CBR4: variants seen among roughly 807,000 people sequenced by gnomAD.
The protein encoded by CBR4 is 3-oxoacyl-[acyl-carrier-protein] reductase.
A neutral mutation model predicts 21.0 loss-of-function variants in CBR4; 22 were observed. That is an observed-to-expected ratio of 1.05 (90% confidence interval 0.75 to 1.50). The LOEUF (loss-of-function observed/expected upper bound fraction) is 1.50. CBR4 is among the 40% of genes most tolerant of loss of function. CBR4 has a pLI of 0.00. For synonymous variants in CBR4, 100 were observed against 104.4 expected, an observed-to-expected ratio of 0.96 and a Z score of 0.26; for missense variants, 302 against 286.3, an observed-to-expected ratio of 1.05 and a Z score of -0.40.
intron 4 of CBR4, among the ~76,000 whole-genome samples, chr4:168,991,450 G>C (rs1764919040): frequency 6.6e-6 from 1 of 152,210 alleles, no homozygotes. Context: ...CTGATGATTA[G>C]AAAGGCCAGT....
chr4:169,006,099 AAC>A (rs1730890030), intron 3 of CBR4, among the ~76,000 whole-genome samples: 1 of 152,232 alleles, frequency 6.6e-6, no homozygotes, highest in African/African-American at 2.4e-5. Context: ...CATTCTTAAA[AAC>A]AGAGAAATTT....
intron 2 of CBR4, among the ~76,000 whole-genome samples, chr4:168,948,282 T>C (rs1337650578): frequency 1.3e-5 from 2 of 152,238 alleles, no homozygotes; most frequent in South Asian, 2.1e-4. Context: ...CTTTGTCAGA[T>C]GTATACATTG....
intron 2 of CBR4, among the ~76,000 whole-genome samples, chr4:168,981,348 G>A (rs149886794): frequency 0.013 from 1,942 of 152,174 alleles, 21 homozygotes; most frequent in Non-Finnish European, 0.019. Context: ...GCAGTGAGCC[G>A]AGATCGCATC....
At chr4:168,956,750 A>G (rs1188852217) in intron 2 of CBR4, among the ~76,000 whole-genome samples, 2 of 152,154 alleles carry the variant, frequency 1.3e-5, no homozygotes, top group African/African-American at 4.8e-5. Flanking sequence ...CCAGGTGAGG[A>G]AACAGGCTTA....
chr4:169,007,020 C>T (rs969852332), intron 2 of CBR4, 129 bp from the exon 3 acceptor site: 35 of 663,890 alleles, frequency 5.3e-5, no homozygotes, highest in African/African-American at 3.9e-4. Flanking sequence ...GCTAGAATAC[C>T]TAGAGTCCCA....
chr4:168,905,150 T>TTG (rs1757400919), intron 2 of CBR4, among the ~76,000 whole-genome samples: 3 of 130,762 alleles, frequency 2.3e-5, no homozygotes, highest in African/African-American at 8.8e-5. Context: ...TTTTTTTTTT[T>TTG]TTTTTTTTTT....
intron 2 of CBR4, chr4:168,924,538 T>TTGA (rs1762203478): frequency 5.7e-6 from 6 of 1,048,900 alleles, no homozygotes; most frequent in Non-Finnish European, 8.8e-6. Context: ...GTTTTGATTT[T>TTGA]TGATGAAATC....
chr4:168,956,729 T>C (rs1420293472), intron 2 of CBR4, among the ~76,000 whole-genome samples: 1 of 152,026 alleles, frequency 6.6e-6, no homozygotes, highest in Non-Finnish European at 1.5e-5. Context: ...TAGGAAGGGT[T>C]ATTCTCTTTT....
chr4:168,940,005 A>C (rs1183504673), intron 2 of CBR4, among the ~76,000 whole-genome samples: 2 of 152,210 alleles, frequency 1.3e-5, no homozygotes, highest in Non-Finnish European at 1.5e-5. Flanking sequence ...AAAAAGAATA[A>C]AGCTGGAGGC....
In CBR4 at chr4:169,006,048, C is replaced by T. The variant is rs1363846548; in HGVS notation, c.400+707G>A. On this transcript the variant is annotated intron_variant, in intron 3 of 4. Transcript: ENST00000306193. ...GCATATACTCCACAGCTTATCTGCCCTGTGGGTTAGATGAACTGAAAACTA... is the reference window on the plus strand; with the variant it reads ...GCATATACTCCACAGCTTATCTGCCTTGTGGGTTAGATGAACTGAAAACTA... 1.3e-5 allele frequency: 6 copies of T among 471,626 alleles called. No individual in the cohort carries two copies. The Admixed American group carries it at 1.8e-4, about 14-fold the overall frequency. 29.2% of individuals were successfully genotyped at this position (471,626 alleles called of 1,614,324 possible). A position where few individuals can be genotyped will look rare whatever the true frequency, so the allele number is the denominator to read the frequency against.
At chr4:168,898,224 C>G (rs1755674690) in intron 2 of CBR4, 2 of 486,656 alleles carry the variant, frequency 4.1e-6, no homozygotes, top group East Asian at 7.6e-5. Flanking sequence ...CTTGTTTCCC[C>G]TCGCCTCAGA....
chr4:168,924,489 T>C, intron 2 of CBR4: 1 of 1,383,962 alleles, frequency 7.2e-7, no homozygotes, highest in Non-Finnish European at 1.0e-6. Flanking sequence ...AGATACATTT[T>C]ATATAGCATG....
chr4:168,996,124 G>C (rs971422107), intron 4 of CBR4, among the ~76,000 whole-genome samples: 8 of 152,156 alleles, frequency 5.3e-5, no homozygotes, highest in African/African-American at 1.9e-4. Flanking sequence ...TGGATACTTG[G>C]AATAACAAAT....
chr4:168,940,231 A>G (rs1328354188), intron 2 of CBR4, among the ~76,000 whole-genome samples: 1 of 152,240 alleles, frequency 6.6e-6, no homozygotes, highest in Non-Finnish European at 1.5e-5. Context: ...AAAACTGGCT[A>G]GCCATATGCA....
chr4:168,946,931 T>G (rs1472347040), intron 2 of CBR4, among the ~76,000 whole-genome samples: 1 of 152,274 alleles, frequency 6.6e-6, no homozygotes, highest in East Asian at 1.9e-4. Context: ...CACATGGAGC[T>G]TCCAATCTGC....
intron 2 of CBR4, among the ~76,000 whole-genome samples, chr4:168,939,643 A>G (rs1036120070): frequency 6.6e-6 from 1 of 152,184 alleles, no homozygotes; most frequent in African/African-American, 2.4e-5. Context: ...GCATTCCTAT[A>G]CACCAATAAC....
chr4:169,009,818 G>C (rs1366018693), intron 1 of CBR4, 130 bp downstream of exon 1: 1 of 804,528 alleles, frequency 1.2e-6, no homozygotes, highest in Non-Finnish European at 1.9e-6. Flanking sequence ...GAACGGGAGA[G>C]CGCCTGCACG....
chr4:168,975,825 T>A (rs1031044518), intron 2 of CBR4, among the ~76,000 whole-genome samples: 1 of 152,034 alleles, frequency 6.6e-6, no homozygotes, highest in Non-Finnish European at 1.5e-5. Flanking sequence ...CCCAGGGGGA[T>A]TATGGCTGCC....
intron 2 of CBR4, among the ~76,000 whole-genome samples, chr4:168,908,245 TA>T (rs1242681537): frequency 5.9e-5 from 9 of 152,210 alleles, no homozygotes; most frequent in African/African-American, 2.2e-4. Context: ...AGTCATCACT[TA>T]AAAATTGGAG....
Sources: gnomAD v4.1 joint callset for allele counts (sites outside exome capture counted in the v4.1 genomes callset) on GRCh38, gnomAD v4.1.1 for gene constraint, MANE v1.5 for transcripts, NCBI Gene and HGNC (gene_info 2026-07-23, HGNC 2026-07-21) for gene names.